DOCK1: variants seen among roughly 807,000 people sequenced by gnomAD.
DOCK1 encodes dedicator of cytokinesis protein 1.
In DOCK1, 138 loss-of-function variants were observed where a neutral mutation model predicts 262.7. The ratio of observed to expected loss-of-function variants is 0.53; its 90% confidence interval spans 0.46 to 0.61. DOCK1 has a LOEUF of 0.61. DOCK1 is among the 20% of genes least tolerant of loss of function. The probability of loss-of-function intolerance (pLI) is 0.00; values close to 1 mark genes in which losing one functional copy is unlikely to be tolerated. For synonymous variants in DOCK1, 866 were observed against 867.4 expected (o/e 1.00, Z 0.03); for missense variants, 1,908 against 2,370.7 (o/e 0.80, Z 4.05).
At chr10:127,047,869 G>A (rs1378136336) in intron 21 of DOCK1, among the ~76,000 whole-genome samples, 3 of 152,174 alleles carry the variant, frequency 2.0e-5, no homozygotes, top group Non-Finnish European at 2.9e-5. Context: ...TTTCTGAGCA[G>A]TATTTTATTG....
chr10:127,088,261 C>T (rs575623943), intron 23 of DOCK1, among the ~76,000 whole-genome samples: 1 of 152,292 alleles, frequency 6.6e-6, no homozygotes, highest in South Asian at 2.1e-4. Flanking sequence ...TGTTTACCGT[C>T]GTCTTCTGTG....
chr10:127,259,711 C>T (rs1044471754), intron 29 of DOCK1, among the ~76,000 whole-genome samples: 6 of 152,066 alleles, frequency 3.9e-5, no homozygotes, highest in African/African-American at 1.4e-4. Context: ...GATGGGCTCC[C>T]TGAAGTTGCA....
At chr10:127,234,653 T>C (rs994024864) in intron 27 of DOCK1, among the ~76,000 whole-genome samples, 2 of 152,052 alleles carry the variant, frequency 1.3e-5, no homozygotes, top group Admixed American at 6.6e-5. Context: ...AATGTGTTTC[T>C]AAAGTACATG....
chr10:127,017,969 C>T (rs755054548), intron 12 of DOCK1, among the ~76,000 whole-genome samples: 6 of 152,204 alleles, frequency 3.9e-5, no homozygotes, highest in South Asian at 2.1e-4. Context: ...GAAGATCCCG[C>T]GCACATCCCG....
At chr10:127,008,947 G>A (rs2041227435) in intron 11 of DOCK1, 143 bp downstream of exon 11, 1 of 817,592 alleles carries the variant, frequency 1.2e-6, no homozygotes, top group Non-Finnish European at 1.9e-6. Context: ...AGTCACTGCT[G>A]TAGTACATGG....
chr10:127,092,246 G>A (rs2047580722), intron 23 of DOCK1, among the ~76,000 whole-genome samples: 1 of 152,226 alleles, frequency 6.6e-6, no homozygotes, highest in Non-Finnish European at 1.5e-5. Flanking sequence ...AGTGCACAGA[G>A]GAGGATGAGC....
intron 1 of DOCK1, among the ~76,000 whole-genome samples, chr10:126,953,552 A>T (rs1331519032): frequency 6.6e-6 from 1 of 151,722 alleles, no homozygotes; most frequent in Non-Finnish European, 1.5e-5. Flanking sequence ...TGGTGGTAGT[A>T]TTGTTAATCA....
At chr10:127,257,116 CA>C (rs561019073) in intron 28 of DOCK1, among the ~76,000 whole-genome samples, 76 of 152,278 alleles carry the variant, frequency 5.0e-4, no homozygotes, top group African/African-American at 1.8e-3. Context: ...GGGACTGTTT[CA>C]GAATATATTC....
chr10:126,910,557 A>C (rs2031619121), intron 1 of DOCK1, among the ~76,000 whole-genome samples: 1 of 152,184 alleles, frequency 6.6e-6, no homozygotes, highest in African/African-American at 2.4e-5. Flanking sequence ...TTTTCAGATA[A>C]TTATAGCCAA....
chr10:127,413,074 A>G (rs72843703), intron 43 of DOCK1, among the ~76,000 whole-genome samples: 28,815 of 152,122 alleles, frequency 0.19, 2,884 homozygotes, highest in African/African-American at 0.23. Context: ...CATCATAAGC[A>G]CTAACGCTAG....
intron 27 of DOCK1, among the ~76,000 whole-genome samples, chr10:127,179,374 A>G (rs2133945829): frequency 6.6e-6 from 1 of 152,356 alleles, no homozygotes; most frequent in African/African-American, 2.4e-5. Context: ...TTGTTAGTAA[A>G]AAAATGATGG....
At chr10:127,236,487 C>G (rs2059059936) in intron 27 of DOCK1, among the ~76,000 whole-genome samples, 2 of 133,736 alleles carry the variant, frequency 1.5e-5, no homozygotes, top group Admixed American at 1.6e-4. Flanking sequence ...CACATTGATC[C>G]TTCTTGACAC....
At chr10:126,978,301 G>A (rs1392137502) in intron 3 of DOCK1, among the ~76,000 whole-genome samples, 2 of 152,124 alleles carry the variant, frequency 1.3e-5, no homozygotes, top group Non-Finnish European at 2.9e-5. Flanking sequence ...CGAGTAAAGC[G>A]ACTTCAGGAA....
chr10:127,247,549 A>G (rs1403808011), intron 27 of DOCK1, among the ~76,000 whole-genome samples: 2 of 152,174 alleles, frequency 1.3e-5, no homozygotes, highest in African/African-American at 2.4e-5. Flanking sequence ...AGAAGTTCCC[A>G]TGATTTCCAT....
intron 29 of DOCK1, among the ~76,000 whole-genome samples, chr10:127,273,738 C>G (rs946249889): frequency 6.6e-6 from 1 of 152,038 alleles, no homozygotes; most frequent in Non-Finnish European, 1.5e-5. Context: ...AAAAAGTTAG[C>G]CGGGTGCGAT....
intron 27 of DOCK1, among the ~76,000 whole-genome samples, chr10:127,152,034 A>G (rs1044895842): frequency 5.3e-5 from 8 of 151,198 alleles, no homozygotes; most frequent in Admixed American, 6.6e-5. Flanking sequence ...TTTTTTTTCG[A>G]TCACCCACAG....
chr10:127,366,413 G>A (rs1315368836), intron 33 of DOCK1, among the ~76,000 whole-genome samples: 2 of 152,136 alleles, frequency 1.3e-5, no homozygotes, highest in Middle Eastern at 3.4e-3. Flanking sequence ...CCGGCTGCGG[G>A]TCATGCTGGA....
intron 21 of DOCK1, among the ~76,000 whole-genome samples, chr10:127,046,884 G>C (rs910377953): frequency 6.6e-6 from 1 of 151,986 alleles, no homozygotes; most frequent in Non-Finnish European, 1.5e-5. Flanking sequence ...TGAGTGAGCA[G>C]TCTGGCCTTT....
chr10:127,122,713 A>C (rs2049682694), intron 25 of DOCK1, among the ~76,000 whole-genome samples: 1 of 152,006 alleles, frequency 6.6e-6, no homozygotes, highest in Admixed American at 6.5e-5. Flanking sequence ...CATTTCTAAA[A>C]GTTTTGTTGT....
Sources: allele counts gnomAD v4.1 joint callset (sites outside exome capture counted in the v4.1 genomes callset), GRCh38; gene constraint gnomAD v4.1.1; transcripts MANE v1.5; gene names NCBI Gene and HGNC (gene_info 2026-07-23, HGNC 2026-07-21).